INSR: variants seen among roughly 807,000 people sequenced by gnomAD.
The protein encoded by INSR is IR.
A neutral mutation model predicts 142.6 loss-of-function variants in INSR; 67 were observed. That is an observed-to-expected ratio of 0.47 (90% confidence interval 0.39 to 0.58). The LOEUF is 0.58. Among genes scored for constraint, INSR ranks in the 20% least tolerant of loss-of-function variants. The probability of loss-of-function intolerance (pLI) is 0.00; values close to 1 mark genes in which losing one functional copy is unlikely to be tolerated. For missense variants in INSR, 1,248 were observed against 1,833.2 expected, an observed-to-expected ratio of 0.68 and a Z score of 5.83; for synonymous variants, 756 against 743.1, an observed-to-expected ratio of 1.02 and a Z score of -0.28.
rs750488699 is a variant in INSR, at chr19:7,166,165, G to C, written c.1850C>G (p.Thr617Arg). 3 of 1,614,094 alleles carry C rather than the reference G, an allele frequency of 1.9e-6. No individual in the cohort carries two copies. The highest frequency in any genetic ancestry group is 1.3e-5 in the African/African-American group (1 of 75,030). ...GAKSDIIYVQ[T>R]DATNPSVPLD... ...CAAGACACACTCACTGGTGGCATCTGTCTGGACATAAATGATGTCACTCTT... is the reference window on the plus strand; with the variant it reads ...CAAGACACACTCACTGGTGGCATCTCTCTGGACATAAATGATGTCACTCTT... The change falls in exon 8 of 22, where the codon ACA becomes AGA. Residue 617 changes from threonine (T) to arginine (R), a missense_variant. Physicochemically the swap from Thr to Arg is moderately conservative, Grantham distance 71. Transcript: ENST00000302850. The surrounding 1 kb of genome is among the most constrained non-coding windows in gnomAD (Gnocchi z 4.1).
At chr19:7,214,194 G>A (rs1254745654) in intron 2 of INSR, among the ~76,000 whole-genome samples, 1 of 152,136 alleles carries the variant, frequency 6.6e-6, no homozygotes, top group African/African-American at 2.4e-5. Context: ...AGTGAACCAG[G>A]TATGAGAAGA....
At chr19:7,161,895 T>C (rs1599928923) in intron 9 of INSR, among the ~76,000 whole-genome samples, 2 of 152,068 alleles carry the variant, frequency 1.3e-5, no homozygotes, top group Admixed American at 6.6e-5. Flanking sequence ...AAAATGTGTA[T>C]GTATGAGCCG....
chr19:7,119,772 G>GCAAACACA lies in INSR; in HGVS notation c.3660-190_3660-189insTGTGTTTG, dbSNP rs57039491. Among the ~76,000 whole-genome samples the GCAAACACA allele has an allele frequency of 0.24, 34,981 of 148,004 alleles. 4,756 individuals are homozygous for GCAAACACA. The highest frequency in any genetic ancestry group is 0.4 in the East Asian group (2,036 of 5,042). On this transcript the variant is annotated intron_variant, in intron 20 of 21. Transcript: ENST00000302850. The surrounding 1 kb of genome is among the most constrained non-coding windows in gnomAD (Gnocchi z 5.2). Reference sequence around the variant, plus strand: ...CACACATGCAAATACACACAAACACGCATGCGCACACATGCACACACAAAT... The same window carrying GCAAACACA: ...CACACATGCAAATACACACAAACACGCAAACACACATGCGCACACATGCACACACAAAT...
chr19:7,290,593 C>T (rs1320285454), intron 1 of INSR, among the ~76,000 whole-genome samples: 1 of 151,658 alleles, frequency 6.6e-6, no homozygotes, highest in Admixed American at 6.6e-5. Context: ...ACCAATATGG[C>T]GAAATCCCAT....
chr19:7,221,511 C>A (rs886253555), intron 2 of INSR, among the ~76,000 whole-genome samples: 4 of 151,924 alleles, frequency 2.6e-5, no homozygotes, highest in Admixed American at 6.6e-5. Context: ...AGTTCGAGAC[C>A]AGCCTGGCCA....
chr19:7,210,793 A>C (rs1314217019), intron 2 of INSR, among the ~76,000 whole-genome samples: 9 of 152,030 alleles, frequency 5.9e-5, no homozygotes, highest in Non-Finnish European at 1.3e-4. Flanking sequence ...GCAGTGGTAC[A>C]GTCTCAGCTC....
rs775284981 is a variant in INSR, at chr19:7,152,802, T to G, written c.2155A>C (p.Ile719Leu). 1 of 1,613,462 alleles carries G rather than the reference T, an allele frequency of 6.2e-7. No individual in the cohort carries two copies. Among genetic ancestry groups the G allele is most frequent in the Non-Finnish European group, 8.5e-7 (1 of 1,179,890 alleles). Residue 719 changes from isoleucine (I) to leucine (L), a missense_variant, in exon 10 of 22, where the codon ATC becomes CTC. Physicochemically the swap from Ile to Leu is conservative, Grantham distance 5 (BLOSUM62 2). Transcript: ENST00000302850. ...GAGGACTCCTCCAGCTCCTTCAGGA[T>G]CTGAGAGTCTGTCTTTGGACAGGAG... ...CCSCPKTDSQ[I>L]LKELEESSFR...
chr19:7,182,312 C>T (rs752226098), intron 3 of INSR, among the ~76,000 whole-genome samples: 61 of 151,922 alleles, frequency 4.0e-4, no homozygotes, highest in Non-Finnish European at 7.5e-4. Context: ...TCAGTCTGGG[C>T]AACAAGAATG....
At position 7,126,441 on chromosome 19, in the gene INSR, G is replaced by C. The variant is rs1972647323; in HGVS notation, c.3013+143C>G. On this transcript the variant is annotated intron_variant, in intron 16 of 21. Coordinates refer to ENST00000302850, the MANE Select transcript of INSR (RefSeq NM_000208.4). Reference sequence around the variant, plus strand: ...CACAGTAATGAGGTTTCTGCAGCAAGGGCAGTTTGGCAAGCTCAAATGAAT... The same window carrying C: ...CACAGTAATGAGGTTTCTGCAGCAACGGCAGTTTGGCAAGCTCAAATGAAT... The C allele has an allele frequency of 5.3e-6, 4 of 752,054 alleles. No individual in the cohort carries two copies. The Admixed American group carries it at 6.1e-5, about 11-fold the overall frequency. The allele number at this position is 752,054 out of a possible 1,614,324, so 46.6% of individuals were successfully genotyped here. A position where few individuals can be genotyped will look rare whatever the true frequency, so the allele number is the denominator to read the frequency against.
intron 3 of INSR, among the ~76,000 whole-genome samples, chr19:7,176,906 AC>A (rs1974146921): frequency 6.6e-6 from 1 of 152,184 alleles, no homozygotes; most frequent in Non-Finnish European, 1.5e-5. Flanking sequence ...ACTGACAGTT[AC>A]CCCAACGTGG....
chr19:7,268,465 C>T, intron 1 of INSR: 1 of 985,300 alleles, frequency 1.0e-6, no homozygotes, highest in African/African-American at 1.7e-5. Context: ...CCCAAATGCC[C>T]TGAGTTCTCA....
At position 7,179,219 on chromosome 19, in the gene INSR, T is replaced by C. The variant is rs1974214574; in HGVS notation, c.975-4488A>G. Reference sequence around the variant, plus strand: ...GAGCCACCACACCTGGCCAGGTTTATTTTCATTCTGTGAGTTCCTTCTAGT... The same window carrying C: ...GAGCCACCACACCTGGCCAGGTTTACTTTCATTCTGTGAGTTCCTTCTAGT... On this transcript the variant is annotated intron_variant, in intron 3 of 21. Coordinates refer to ENST00000302850, the MANE Select transcript of INSR (RefSeq NM_000208.4). Among the ~76,000 whole-genome samples the C allele has an allele frequency of 2.0e-5, 3 of 152,208 alleles. No homozygotes were observed. In the South Asian group the frequency reaches 6.2e-4, roughly 32 times the overall value.
At chr19:7,261,041 C>T (rs1341257329) in intron 2 of INSR, among the ~76,000 whole-genome samples, 1 of 152,066 alleles carries the variant, frequency 6.6e-6, no homozygotes, top group Non-Finnish European at 1.5e-5. Context: ...GCACCTGCCA[C>T]CATGCCTGGC....
intron 2 of INSR, among the ~76,000 whole-genome samples, chr19:7,229,233 G>A (rs1377654573): frequency 7.4e-6 from 1 of 134,402 alleles, no homozygotes; most frequent in Non-Finnish European, 1.6e-5. Flanking sequence ...GATGGTGGGT[G>A]GTGAATGGAC....
intron 2 of INSR, among the ~76,000 whole-genome samples, chr19:7,203,315 C>T (rs1414340619): frequency 3.9e-5 from 6 of 152,126 alleles, no homozygotes; most frequent in African/African-American, 9.7e-5. Flanking sequence ...TCCCTGAAAA[C>T]GCCTCGCGCC....
At chr19:7,132,871 G>A (rs781483256) in intron 13 of INSR, among the ~76,000 whole-genome samples, 3 of 152,062 alleles carry the variant, frequency 2.0e-5, no homozygotes, top group Admixed American at 1.3e-4. Context: ...GATTACAGGC[G>A]TGAGCCACAG....
chr19:7,242,030 T>C (rs1363678800), intron 2 of INSR, among the ~76,000 whole-genome samples: 1 of 151,866 alleles, frequency 6.6e-6, no homozygotes, highest in African/African-American at 2.4e-5. Flanking sequence ...TATGCACCTG[T>C]AATCCCAGCT....
rs964001113 is a variant in INSR at position 7,141,532 on chromosome 19, A to G, written c.2682+145T>C. ...GACCCATCTTCCTGCGAAGTCAGGTATCAAGGCTTTAAGTACTAATAGCAC... is the reference window on the plus strand; with the variant it reads ...GACCCATCTTCCTGCGAAGTCAGGTGTCAAGGCTTTAAGTACTAATAGCAC... On this transcript the variant is annotated intron_variant, in intron 13 of 21. Coordinates refer to ENST00000302850, the MANE Select transcript of INSR (RefSeq NM_000208.4). The G allele has an allele frequency of 1.6e-5, 19 of 1,176,158 alleles. No individual in the cohort carries two copies. In the African/African-American group the frequency reaches 2.7e-4, roughly 17 times the overall value. The allele number at this position is 1,176,158 out of a possible 1,614,324, so 72.9% of individuals were successfully genotyped here. A position where few individuals can be genotyped will look rare whatever the true frequency, so the allele number is the denominator to read the frequency against.
intron 4 of INSR, among the ~76,000 whole-genome samples, chr19:7,173,058 G>A (rs1054713269): frequency 2.6e-5 from 4 of 152,018 alleles, no homozygotes; most frequent in Non-Finnish European, 5.9e-5. Flanking sequence ...GAGTGGTTAC[G>A]GCAGAGACTG....
Sources: gnomAD v4.1 joint callset for allele counts (sites outside exome capture counted in the v4.1 genomes callset) on GRCh38, gnomAD v4.1.1 for gene constraint, Gnocchi (gnomAD v3.1) non-coding constraint, MANE v1.5 for transcripts, NCBI Gene and HGNC (gene_info 2026-07-23, HGNC 2026-07-21) for gene names.